The following RANBP2 variants were observed in gnomAD, a reference collection of about 807,000 sequenced individuals.
RANBP2 encodes the protein RAN binding protein 2.
RANBP2 carries 57 observed loss-of-function variants against 303.6 expected under a neutral mutation model. That is an observed-to-expected ratio of 0.19 (90% CI 0.15 to 0.23). The LOEUF is 0.23. Among genes scored for constraint, RANBP2 ranks in the 10% least tolerant of loss-of-function variants. RANBP2 has a pLI of 1.00. For synonymous variants in RANBP2, 1,167 were observed against 1,301.5 expected (o/e 0.90, Z 2.23); for missense variants, 3,138 against 3,780.8 (o/e 0.83, Z 4.46).
chr2:109,559,911 CT>C, the RANBP2 span, among the ~76,000 whole-genome samples: 948 of 117,518 alleles, frequency 8.1e-3, 5 homozygotes, highest in African/African-American at 0.02. Flanking sequence ...CAACCAATGC[CT>C]TTTTTTTTTT....
the RANBP2 span, among the ~76,000 whole-genome samples, chr2:109,052,835 G>C: frequency 2.6e-5 from 4 of 152,144 alleles, no homozygotes; most frequent in Admixed American, 1.3e-4. Context: ...CAGTGGAATG[G>C]GAGAATCCTT....
At chr2:109,588,916 C>A in the RANBP2 span, among the ~76,000 whole-genome samples, 1 of 139,326 alleles carries the variant, frequency 7.2e-6, no homozygotes, top group Non-Finnish European at 1.5e-5. Context: ...GAAATTGAGT[C>A]ATAAAAATTC....
the RANBP2 span, among the ~76,000 whole-genome samples, chr2:109,210,909 C>T: frequency 6.6e-6 from 1 of 152,194 alleles, no homozygotes; most frequent in Non-Finnish European, 1.5e-5. Context: ...CCACTTGACA[C>T]GTGGTGGAAT....
the RANBP2 span, among the ~76,000 whole-genome samples, chr2:109,151,036 G>C: frequency 6.6e-6 from 1 of 152,176 alleles, no homozygotes; most frequent in South Asian, 2.1e-4. Flanking sequence ...CAATGCAAGG[G>C]AGAGGCTTTT....
At chr2:109,015,209 A>C in the RANBP2 span, among the ~76,000 whole-genome samples, 7 of 146,980 alleles carry the variant, frequency 4.8e-5, no homozygotes, top group Non-Finnish European at 1.0e-4. Context: ...GTGTTAATAC[A>C]GTTGACCCTT....
chr2:109,446,943 G>A, the RANBP2 span, among the ~76,000 whole-genome samples: 3 of 152,008 alleles, frequency 2.0e-5, no homozygotes, highest in Non-Finnish European at 2.9e-5. Flanking sequence ...ACCCTGGACC[G>A]AGAGAAGGGG....
the RANBP2 span, among the ~76,000 whole-genome samples, chr2:109,427,816 G>A: frequency 2.6e-5 from 4 of 152,218 alleles, no homozygotes; most frequent in African/African-American, 9.7e-5. Flanking sequence ...CTGCTGGCTG[G>A]GCTGAGCCAG....
chr2:108,736,238 A>T lies in RANBP2; in HGVS notation c.771A>T (p.Glu257Asp), dbSNP rs761240246. 4.3e-6 allele frequency: 7 copies of T among 1,611,888 alleles called. No homozygotes were observed. The highest frequency in any genetic ancestry group is 3.3e-5 in the Admixed American group (2 of 59,998). ...LSTRDVQESR[E>D]LLQSFDSALQ... is the part of the protein sequence containing the mutation. ...CTAGAGATGTGCAGGAAAGTAGAGA[A>T]TTACTGCAAAGGTACGTTGACTTTG... is the stretch of plus-strand genomic sequence containing the variant. The change falls in exon 6 of 29, where the codon GAA (glutamate) becomes GAT (aspartate). Residue 257 changes from glutamate to aspartate, a missense_variant. Glu to Asp is a conservative substitution (Grantham distance 45, BLOSUM62 2). This residue lies in a region of RANBP2 where 306 missense variants were observed against 381.9 expected (regional missense o/e 0.80). Coordinates refer to ENST00000283195, the MANE Select transcript of RANBP2 (RefSeq NM_006267.5).
In RANBP2 at chr2:108,782,651, C is replaced by T. The variant is rs200863740; in HGVS notation, c.9158C>T (p.Ser3053Leu). ...ATGAAACTCCAGAAAGGACATGTAT[C>T]ACTGGCAGCAGAATTATCAAAGGAG... The part of the protein sequence containing the change: ...NLMKLQKGHV[S>L]LAAELSKETN... Residue 3053 changes from serine to leucine, a missense_variant, in exon 28 of 29, where the codon TCA (serine) becomes TTA (leucine). Transcript: ENST00000283195. 78 of 1,614,188 alleles carry T rather than the reference C, an allele frequency of 4.8e-5. No homozygotes were observed. In the Middle Eastern group the frequency reaches 9.9e-4, roughly 20 times the overall value.
chr2:108,930,970 G>A, the RANBP2 span: 1 of 1,613,978 alleles, frequency 6.2e-7, no homozygotes, highest in Non-Finnish European at 8.5e-7. Flanking sequence ...TTACCACCAG[G>A]ACGGGGAGCC....
At chr2:109,443,660 A>G in the RANBP2 span, among the ~76,000 whole-genome samples, 9 of 152,334 alleles carry the variant, frequency 5.9e-5, no homozygotes, top group Middle Eastern at 3.4e-3. Flanking sequence ...TAAAAAGGCA[A>G]TTTCGTAACA....
chr2:109,133,211 C>T, the RANBP2 span, among the ~76,000 whole-genome samples: 1 of 152,176 alleles, frequency 6.6e-6, no homozygotes, highest in African/African-American at 2.4e-5. Context: ...TTAAAGAATT[C>T]TAGAAAGCTT....
downstream of RANBP2, chr2:108,785,859 G>C (rs1215054307): frequency 1.3e-5 from 2 of 152,142 alleles, no homozygotes; most frequent in Admixed American, 1.3e-4. Flanking sequence ...GTAATTTTCA[G>C]ATAATAACTG....
At chr2:108,866,660 G>A in the RANBP2 span, among the ~76,000 whole-genome samples, 7 of 152,146 alleles carry the variant, frequency 4.6e-5, no homozygotes, top group African/African-American at 1.7e-4. Context: ...TGAGGCAGGT[G>A]GATCACGAGG....
chr2:108,892,161 C>T, the RANBP2 span, among the ~76,000 whole-genome samples: 2 of 152,096 alleles, frequency 1.3e-5, no homozygotes, highest in South Asian at 4.1e-4. Flanking sequence ...TGGCTGTGCT[C>T]TGTGGCCACA....
chr2:109,610,805 A>G, the RANBP2 span, among the ~76,000 whole-genome samples: 1 of 152,250 alleles, frequency 6.6e-6, no homozygotes, highest in African/African-American at 2.4e-5. Flanking sequence ...CTAAATCGAT[A>G]TAAACATTTA....
chr2:109,519,751 T>G, the RANBP2 span, among the ~76,000 whole-genome samples: 1 of 152,258 alleles, frequency 6.6e-6, no homozygotes, highest in Non-Finnish European at 1.5e-5. Context: ...AGCATGCTTT[T>G]GTCAAGGGCA....
the RANBP2 span, among the ~76,000 whole-genome samples, chr2:109,162,854 G>T: frequency 2.1e-5 from 3 of 146,196 alleles, no homozygotes; most frequent in African/African-American, 7.6e-5. Context: ...TCTCACCTTG[G>T]TATTGCAGGG....
At chr2:108,827,041 T>C in the RANBP2 span, among the ~76,000 whole-genome samples, 1 of 152,342 alleles carries the variant, frequency 6.6e-6, no homozygotes, top group East Asian at 1.9e-4. Context: ...ATTTTTGGAT[T>C]GTACATTACT....
Sources: allele counts gnomAD v4.1 joint callset (sites outside exome capture counted in the v4.1 genomes callset), GRCh38; gene constraint gnomAD v4.1.1; regional missense constraint gnomAD v4.1.1; transcripts MANE v1.5; gene names NCBI Gene and HGNC (gene_info 2026-07-23, HGNC 2026-07-21).